Variants in STXBP5L observed in about 807,000 individuals in gnomAD.
STXBP5L encodes syntaxin binding protein 5L, also known as syntaxin-binding protein 5-like.
In STXBP5L, 65 loss-of-function variants were observed where a neutral mutation model predicts 144.5. The ratio of observed to expected loss-of-function variants is 0.45; its 90% CI spans 0.37 to 0.55. The LOEUF (loss-of-function observed/expected upper bound fraction) is 0.55. Among genes scored for constraint, STXBP5L ranks in the 20% least tolerant of loss-of-function variants. The pLI is 0.00. For missense variants in STXBP5L, 1,298 were observed against 1,405.5 expected (o/e 0.92, Z 1.22); for synonymous variants, 505 against 469.6 (o/e 1.08, Z -0.97).
At chr3:121,288,044 CAT>C (rs2051293702) in intron 19 of STXBP5L, among the ~76,000 whole-genome samples, 1 of 152,164 alleles carries the variant, frequency 6.6e-6, no homozygotes, top group African/African-American at 2.4e-5. Flanking sequence ...TTCTAAAGTT[CAT>C]ACAGAAATTC....
intron 3 of STXBP5L, among the ~76,000 whole-genome samples, chr3:120,969,577 G>A (rs1559927391): frequency 6.6e-6 from 1 of 151,652 alleles, no homozygotes; most frequent in Non-Finnish European, 1.5e-5. Context: ...TTTTGGTTTT[G>A]TTGTATTTGC....
At chr3:121,334,208 T>A (rs2044422320) in intron 20 of STXBP5L, among the ~76,000 whole-genome samples, 1 of 152,162 alleles carries the variant, frequency 6.6e-6, no homozygotes, top group Non-Finnish European at 1.5e-5. Flanking sequence ...TTTTGTAAAT[T>A]GTCCAGTCTT....
intron 3 of STXBP5L, among the ~76,000 whole-genome samples, chr3:121,032,279 G>T (rs1377734325): frequency 6.6e-6 from 1 of 151,410 alleles, no homozygotes; most frequent in Non-Finnish European, 1.5e-5. Flanking sequence ...GGAGAGTCTT[G>T]TTATTATAAA....
chr3:121,372,005 A>G (rs2046045347), intron 20 of STXBP5L, among the ~76,000 whole-genome samples: 1 of 152,194 alleles, frequency 6.6e-6, no homozygotes, highest in African/African-American at 2.4e-5. Context: ...CTGCACACAC[A>G]TGTGCTGGCA....
chr3:121,263,055 C>A (rs1281972183), intron 18 of STXBP5L, among the ~76,000 whole-genome samples: 2 of 152,186 alleles, frequency 1.3e-5, no homozygotes, highest in African/African-American at 4.8e-5. Flanking sequence ...CGACAGACAC[C>A]TCATACAGGA....
At chr3:120,995,270 C>A (rs1943248323) in intron 3 of STXBP5L, among the ~76,000 whole-genome samples, 1 of 152,126 alleles carries the variant, frequency 6.6e-6, no homozygotes, top group Admixed American at 6.6e-5. Flanking sequence ...ACTTCAGCCT[C>A]CCCAGTAGCT....
chr3:121,161,683 T>C (rs1292839130), intron 9 of STXBP5L, among the ~76,000 whole-genome samples: 1 of 152,092 alleles, frequency 6.6e-6, no homozygotes, highest in Non-Finnish European at 1.5e-5. Flanking sequence ...TATTCAATGA[T>C]TTCAAATATG....
intron 10 of STXBP5L, among the ~76,000 whole-genome samples, chr3:121,208,727 TC>T (rs1355611918): frequency 1.3e-5 from 2 of 152,162 alleles, no homozygotes; most frequent in Non-Finnish European, 2.9e-5. Flanking sequence ...TATTAACTGT[TC>T]CTAGCAGCTT....
At chr3:120,931,843 T>C (rs1709958370) in intron 2 of STXBP5L, among the ~76,000 whole-genome samples, 1 of 152,198 alleles carries the variant, frequency 6.6e-6, no homozygotes, top group Non-Finnish European at 1.5e-5. Flanking sequence ...GTATTTGTTA[T>C]GTAATTGTTG....
intron 5 of STXBP5L, among the ~76,000 whole-genome samples, chr3:121,053,205 C>T (rs538858922): frequency 6.6e-6 from 1 of 152,294 alleles, no homozygotes; most frequent in Non-Finnish European, 1.5e-5. Flanking sequence ...CCCCATCAAA[C>T]TACCAATGGC....
chr3:121,349,786 C>A (rs549074467), intron 20 of STXBP5L, among the ~76,000 whole-genome samples: 13 of 151,660 alleles, frequency 8.6e-5, no homozygotes, highest in Admixed American at 2.6e-4. Context: ...CAACCCCTGC[C>A]TTTTTTTTGT....
intron 22 of STXBP5L, among the ~76,000 whole-genome samples, chr3:121,403,881 C>T (rs541066427): frequency 5.3e-5 from 8 of 152,186 alleles, no homozygotes; most frequent in Admixed American, 1.3e-4. Context: ...CCTTCTCAAT[C>T]TCTTTAGCTT....
chr3:121,010,460 G>T (rs755530271), intron 3 of STXBP5L, among the ~76,000 whole-genome samples: 2 of 151,286 alleles, frequency 1.3e-5, no homozygotes, highest in Non-Finnish European at 2.9e-5. Context: ...ACTGATACTA[G>T]AGAACCTAGT....
At chr3:121,281,314 A>G (rs527362197) in intron 19 of STXBP5L, among the ~76,000 whole-genome samples, 1 of 152,118 alleles carries the variant, frequency 6.6e-6, no homozygotes, top group African/African-American at 2.4e-5. Context: ...GGAGAGCTAG[A>G]AATTTCAGTT....
intron 3 of STXBP5L, among the ~76,000 whole-genome samples, chr3:120,972,657 G>A (rs910179744): frequency 1.3e-5 from 2 of 152,136 alleles, no homozygotes; most frequent in Middle Eastern, 3.4e-3. Flanking sequence ...GTTGTTAGGG[G>A]GAATGCTTTC....
rs149167513 is a variant in STXBP5L at position 121,279,545 on chromosome 3, G to A, written c.1959-260G>A. Among the ~76,000 whole-genome samples, 68 of 151,860 alleles carry A rather than the reference G, an allele frequency of 4.5e-4. 1 individual carries two copies. Among genetic ancestry groups the A allele is most frequent in the Non-Finnish European group, 9.9e-4 (67 of 67,796 alleles). On this transcript the variant is annotated intron_variant, in intron 18 of 26. Transcript: ENST00000471454. ...AAGGCCTAGTTTAAAGAGCGGATTG[G>A]GTAATCACGACTTACATGATAAAAC...
At chr3:121,107,091 GT>G (rs796606615) in intron 5 of STXBP5L, among the ~76,000 whole-genome samples, 87 of 147,164 alleles carry the variant, frequency 5.9e-4, no homozygotes, top group East Asian at 5.6e-3. Flanking sequence ...TGGATTCTTT[GT>G]TTTTTTTTTC....
chr3:121,152,427 G>T, intron 7 of STXBP5L, 50 bp from the exon 8 acceptor site: 1 of 1,332,768 alleles, frequency 7.5e-7, no homozygotes. Flanking sequence ...TTTGAAGCAA[G>T]TTAAAATTAA....
At chr3:121,336,659 G>A (rs1480115431) in intron 20 of STXBP5L, among the ~76,000 whole-genome samples, 1 of 152,074 alleles carries the variant, frequency 6.6e-6, no homozygotes, top group Non-Finnish European at 1.5e-5. Context: ...ACTGTTGGTG[G>A]GAGTGTAAAT....
Sources: allele counts gnomAD v4.1 joint callset (sites outside exome capture counted in the v4.1 genomes callset), GRCh38; gene constraint gnomAD v4.1.1; transcripts MANE v1.5; gene names NCBI Gene and HGNC (gene_info 2026-07-23, HGNC 2026-07-21).